Variants in NCAM1 observed in about 807,000 individuals in gnomAD.
The protein encoded by NCAM1 is neural cell adhesion molecule 1, also known as antigen recognized by monoclonal antibody 5.1H11.
Under a neutral mutation model 109.8 loss-of-function variants are expected in NCAM1, and 14 were observed. The observed-to-expected ratio is 0.13, with a 90% CI of 0.08 to 0.20. The LOEUF is 0.20. Ranked by LOEUF, NCAM1 falls within the 10% of genes least tolerant of loss-of-function variation. The probability of loss-of-function intolerance (pLI) is 1.00; values close to 1 mark genes in which losing one functional copy is unlikely to be tolerated. For missense variants in NCAM1, 774 were observed against 1,109.9 expected (o/e 0.70, Z 4.30); for synonymous variants, 418 against 442.9 (o/e 0.94, Z 0.70).
chr11:113,006,941 A>C (rs959317710), intron 1 of NCAM1, among the ~76,000 whole-genome samples: 46 of 152,176 alleles, frequency 3.0e-4, no homozygotes, highest in African/African-American at 1.1e-3. Context: ...TCTGGCTTTC[A>C]TGAAGAAACA....
intron 17 of NCAM1, 175 bp downstream of exon 17, chr11:113,260,498 GTAC>G (rs1945960219): frequency 6.2e-6 from 4 of 645,772 alleles, no homozygotes; most frequent in Non-Finnish European, 1.0e-5. Flanking sequence ...GGGGTGAGAT[GTAC>G]TGGACCCCCA....
chr11:113,223,529 A>G (rs189820438), intron 9 of NCAM1, among the ~76,000 whole-genome samples: 86 of 152,178 alleles, frequency 5.7e-4, no homozygotes, highest in Non-Finnish European at 4.6e-4. Flanking sequence ...TATTCTGAGT[A>G]AAGACTTGGA....
chr11:112,992,698 G>T (rs1478060091), intron 1 of NCAM1, among the ~76,000 whole-genome samples: 1 of 151,724 alleles, frequency 6.6e-6, no homozygotes, highest in East Asian at 1.9e-4. Context: ...TAGTAGAGAC[G>T]GGGTTTCACT....
At chr11:113,229,947 C>A (rs567191733) in intron 9 of NCAM1, among the ~76,000 whole-genome samples, 14 of 149,328 alleles carry the variant, frequency 9.4e-5, no homozygotes, top group Non-Finnish European at 1.8e-4. Flanking sequence ...GTGGGGGGAG[C>A]GGGGAGGGAT....
chr11:113,054,320 G>A (rs971720947), intron 1 of NCAM1, among the ~76,000 whole-genome samples: 1 of 152,122 alleles, frequency 6.6e-6, no homozygotes, highest in Non-Finnish European at 1.5e-5. Context: ...TTGGAGTCCG[G>A]TGTCAGCCAG....
intron 1 of NCAM1, among the ~76,000 whole-genome samples, chr11:113,188,921 G>T (rs1248862695): frequency 6.6e-6 from 1 of 152,080 alleles, no homozygotes; most frequent in African/African-American, 2.4e-5. Flanking sequence ...TTGGTGCTGG[G>T]ATGCCAGGCA....
chr11:113,262,341 C>A (rs1555123540), intron 17 of NCAM1, among the ~76,000 whole-genome samples: 1 of 152,348 alleles, frequency 6.6e-6, no homozygotes. Flanking sequence ...ATCTCCACCA[C>A]TATGGGTAAA....
chr11:113,025,778 CGA>C (rs199893109), intron 1 of NCAM1, among the ~76,000 whole-genome samples: 10,263 of 117,954 alleles, frequency 0.087, 348 homozygotes, highest in Non-Finnish European at 0.11. Context: ...CACAGGGAGC[CGA>C]GAGAGAGAGA....
At chr11:113,258,917 C>A (rs1207472131) in intron 16 of NCAM1, among the ~76,000 whole-genome samples, 1 of 152,250 alleles carries the variant, frequency 6.6e-6, no homozygotes, top group East Asian at 1.9e-4. Flanking sequence ...ACTTCTCTCT[C>A]ACTTCCCCAT....
chr11:113,256,468 T>G (rs1478996925), intron 16 of NCAM1, among the ~76,000 whole-genome samples: 2 of 152,124 alleles, frequency 1.3e-5, no homozygotes, highest in Admixed American at 6.5e-5. Flanking sequence ...ATGAAGTAAG[T>G]GGGTGTACAG....
chr11:113,062,871 A>C (rs1555083644), intron 1 of NCAM1, among the ~76,000 whole-genome samples: 1 of 152,038 alleles, frequency 6.6e-6, no homozygotes, highest in African/African-American at 2.4e-5. Flanking sequence ...GGGAGGCTGA[A>C]GTGGGAGGTC....
Position 113,233,065 on chromosome 11 carries a change from A to C in NCAM1, c.1523-82A>C. 291 of 1,290,772 alleles carry C rather than the reference A, an allele frequency of 2.3e-4. No individual in the cohort carries two copies. The highest frequency in any genetic ancestry group is 3.0e-4 in the Non-Finnish European group (277 of 919,264). 80.0% of individuals were successfully genotyped at this position (1,290,772 alleles called of 1,614,324 possible). A position where few individuals can be genotyped will look rare whatever the true frequency, so the allele number is the denominator to read the frequency against. ...ATTCCCAAGAGTGAGCAGAAATGAC[A>C]GAGATGTGCCTTGTGACTGAGAGTT... On this transcript the variant is annotated intron_variant, in intron 12 of 19. Transcript: ENST00000316851. This position sits in a 1 kb window ranked among gnomAD's most constrained non-coding sequence, Gnocchi z 4.5.
chr11:113,100,826 G>A (rs545548270), intron 1 of NCAM1, among the ~76,000 whole-genome samples: 9 of 152,244 alleles, frequency 5.9e-5, no homozygotes, highest in Admixed American at 5.2e-4. Flanking sequence ...ATGGCCGCGG[G>A]CCCAGGCTTG....
At chr11:113,161,735 C>G (rs1942606909) in intron 1 of NCAM1, among the ~76,000 whole-genome samples, 2 of 152,164 alleles carry the variant, frequency 1.3e-5, no homozygotes, top group Non-Finnish European at 2.9e-5. Context: ...GGCTTCCCGC[C>G]CACCCCCTTT....
intron 1 of NCAM1, among the ~76,000 whole-genome samples, chr11:113,142,154 C>T (rs1304972130): frequency 6.6e-6 from 1 of 152,146 alleles, no homozygotes; most frequent in African/African-American, 2.4e-5. Flanking sequence ...AGGCTCTTTA[C>T]AAATGTTATT....
At chr11:113,062,262 C>T (rs1248942058) in intron 1 of NCAM1, among the ~76,000 whole-genome samples, 1 of 152,218 alleles carries the variant, frequency 6.6e-6, no homozygotes, top group Non-Finnish European at 1.5e-5. Flanking sequence ...TTCTTCCTTT[C>T]TCCCAGTATC....
At chr11:113,221,481 T>C in intron 9 of NCAM1, 156 bp downstream of exon 9, 1 of 725,738 alleles carries the variant, frequency 1.4e-6, no homozygotes, top group Non-Finnish European at 2.2e-6. Flanking sequence ...TAGTATCATT[T>C]TAGGATGAGC....
In NCAM1 at chr11:113,232,260, C is replaced by T; in HGVS notation, c.1331C>T (p.Ala444Val). ...TGCGAGGTATTTGCCTATCCCAGTGCCACGATCTCATGGTTTCGGGATGGC... is the reference window on the plus strand; with the variant it reads ...TGCGAGGTATTTGCCTATCCCAGTGTCACGATCTCATGGTTTCGGGATGGC... ...ITCEVFAYPS[A>V]TISWFRDGQL... The change falls in exon 11 of 20, where the codon GCC (alanine) becomes GTC (valine). Residue 444 changes from alanine (A) to valine (V), a missense_variant. Coordinates refer to ENST00000316851, the MANE Select transcript of NCAM1 (RefSeq NM_181351.5). The T allele has an allele frequency of 1.2e-6, 2 of 1,613,894 alleles. No homozygotes were observed. The highest frequency in any genetic ancestry group is 1.7e-6 in the Non-Finnish European group (2 of 1,179,842).
At chr11:113,202,475 G>C (rs1555112063) in intron 2 of NCAM1, 22 bp downstream of exon 2, 1 of 1,591,494 alleles carries the variant, frequency 6.3e-7, no homozygotes, top group Non-Finnish European at 8.5e-7. Context: ...GTGCTCAGCT[G>C]CATTTTAGAA....
Sources: allele counts gnomAD v4.1 joint callset (sites outside exome capture counted in the v4.1 genomes callset), GRCh38; gene constraint gnomAD v4.1.1; non-coding constraint Gnocchi (gnomAD v3.1); transcripts MANE v1.5; gene names NCBI Gene and HGNC (gene_info 2026-07-23, HGNC 2026-07-21).